Variants in WWOX observed in about 807,000 individuals in gnomAD.
WWOX encodes the protein WW domain containing oxidoreductase.
WWOX carries 69 observed loss-of-function variants against 46.2 expected under a neutral mutation model. The ratio of observed to expected loss-of-function variants is 1.49; its 90% CI spans 1.23 to 1.82. The LOEUF (loss-of-function observed/expected upper bound fraction) is 1.82, where lower values mean the gene tolerates loss of function less well. Among genes scored for constraint, WWOX ranks in the 40% most tolerant of loss-of-function variants. The pLI is 0.00. For missense variants in WWOX, 919 were observed against 542.6 expected, an observed-to-expected ratio of 1.69 and a Z score of -6.89; for synonymous variants, 359 against 202.6, an observed-to-expected ratio of 1.77 and a Z score of -6.56.
intron 8 of WWOX, among the ~76,000 whole-genome samples, chr16:79,090,714 C>G (rs544133251): frequency 1.2e-4 from 19 of 152,184 alleles, no homozygotes; most frequent in Non-Finnish European, 2.4e-4. Context: ...GAGGCACATG[C>G]TCGGCGGGGC....
chr16:78,853,706 G>A (rs904799549), intron 8 of WWOX, among the ~76,000 whole-genome samples: 1 of 152,094 alleles, frequency 6.6e-6, no homozygotes, highest in Admixed American at 6.5e-5. Flanking sequence ...CTCCTGCGTG[G>A]TGGGGGTGTA....
At chr16:78,872,531 A>G (rs1344910438) in intron 8 of WWOX, among the ~76,000 whole-genome samples, 1 of 152,218 alleles carries the variant, frequency 6.6e-6, no homozygotes, top group Non-Finnish European at 1.5e-5. Context: ...GAACAAGTGC[A>G]TTAATCACTC....
intron 8 of WWOX, among the ~76,000 whole-genome samples, chr16:78,461,500 T>C (rs1204945883): frequency 6.6e-6 from 1 of 152,220 alleles, no homozygotes; most frequent in African/African-American, 2.4e-5. Flanking sequence ...GATCTTGTTT[T>C]ATGAAAGAAA....
intron 8 of WWOX, among the ~76,000 whole-genome samples, chr16:78,771,601 G>A (rs921888254): frequency 1.3e-5 from 2 of 151,958 alleles, no homozygotes; most frequent in African/African-American, 4.8e-5. Flanking sequence ...GTGAAACCCC[G>A]TTTCTACTAG....
At chr16:78,324,702 G>A (rs1352845853) in intron 5 of WWOX, among the ~76,000 whole-genome samples, 1 of 148,374 alleles carries the variant, frequency 6.7e-6, no homozygotes, top group East Asian at 2.1e-4. Flanking sequence ...TCCACATATG[G>A]TGAGATTCCG....
In WWOX at chr16:78,939,645, G is replaced by T. The variant is rs760821528; in HGVS notation, c.1057-271963G>T. Among the ~76,000 whole-genome samples the T allele has an allele frequency of 2.6e-5, 4 of 152,120 alleles. No individual in the cohort carries two copies. In the East Asian group the frequency reaches 7.7e-4, roughly 29 times the overall value. On this transcript the variant is annotated intron_variant, in intron 8 of 8. Coordinates refer to ENST00000566780, the MANE Select transcript of WWOX (RefSeq NM_016373.4). ...TCAAATTATTCAATGATCAAATATC[G>T]AATTATTAAAAATTATCAAAAGGAA... is the stretch of plus-strand genomic sequence containing the variant.
intron 8 of WWOX, among the ~76,000 whole-genome samples, chr16:78,641,977 G>C (rs1018816290): frequency 6.6e-6 from 1 of 152,100 alleles, no homozygotes; most frequent in Non-Finnish European, 1.5e-5. Context: ...ATCAAGAGCC[G>C]TAAGTCCTTG....
At chr16:78,414,735 C>A (rs982373166) in intron 6 of WWOX, among the ~76,000 whole-genome samples, 3 of 152,148 alleles carry the variant, frequency 2.0e-5, no homozygotes, top group Non-Finnish European at 2.9e-5. Context: ...CTCATCCTAA[C>A]GTGGTGGCCT....
At position 78,858,144 on chromosome 16, in the gene WWOX, TTGTGTGTGTG is replaced by T. The variant is rs59637371; in HGVS notation, c.1057-353446_1057-353437del. ...ACCTCTATATACATACATTGTGTGT[TTGTGTGTGTG>T]TGTGTGTGTGTGTGTGTATAAATTG... On this transcript the variant is annotated intron_variant, in intron 8 of 8. Coordinates refer to ENST00000566780, the MANE Select transcript of WWOX (RefSeq NM_016373.4). Among the ~76,000 whole-genome samples the T allele has an allele frequency of 6.6e-4, 98 of 148,652 alleles. 1 individual carries two copies. The highest frequency in any genetic ancestry group is 3.6e-3 in the Middle Eastern group (1 of 280).
At chr16:78,995,881 C>G (rs1356758747) in intron 8 of WWOX, among the ~76,000 whole-genome samples, 1 of 152,170 alleles carries the variant, frequency 6.6e-6, no homozygotes, top group Non-Finnish European at 1.5e-5. Context: ...ATTGTGTGAT[C>G]TTAAATGGGA....
intron 8 of WWOX, among the ~76,000 whole-genome samples, chr16:78,930,636 G>C (rs966179482): frequency 6.6e-6 from 1 of 150,794 alleles, no homozygotes; most frequent in African/African-American, 2.4e-5. Flanking sequence ...CAGTTTGAAG[G>C]CACCATTATT....
intron 8 of WWOX, among the ~76,000 whole-genome samples, chr16:78,766,945 C>G (rs747607057): frequency 6.6e-6 from 1 of 152,182 alleles, no homozygotes; most frequent in East Asian, 1.9e-4. Context: ...TCCTCACTTC[C>G]CCAAGCTTGT....
At chr16:79,050,308 G>A (rs76575102) in intron 8 of WWOX, among the ~76,000 whole-genome samples, 1,870 of 152,270 alleles carry the variant, frequency 0.012, 40 homozygotes, top group African/African-American at 0.041. Flanking sequence ...CCCTAGGCTG[G>A]ACATGGGTGG....
At chr16:78,483,159 A>G (rs775488210) in intron 8 of WWOX, among the ~76,000 whole-genome samples, 60 of 152,166 alleles carry the variant, frequency 3.9e-4, no homozygotes, top group Non-Finnish European at 6.3e-4. Context: ...CTTTTCTTCT[A>G]TTTTTTAAAA....
chr16:78,622,693 T>G (rs1484587445), intron 8 of WWOX, among the ~76,000 whole-genome samples: 2 of 151,684 alleles, frequency 1.3e-5, no homozygotes, highest in Non-Finnish European at 2.9e-5. Flanking sequence ...ATGGGAGACT[T>G]ACTTCTGACC....
intron 8 of WWOX, among the ~76,000 whole-genome samples, chr16:78,885,680 G>A (rs565325590): frequency 6.6e-6 from 1 of 152,220 alleles, no homozygotes; most frequent in East Asian, 1.9e-4. Context: ...AGTTTTTGCA[G>A]TTTCCATAGG....
At chr16:78,387,070 C>T (rs898851619) in intron 6 of WWOX, 122 bp downstream of exon 6, 3 of 940,520 alleles carry the variant, frequency 3.2e-6, no homozygotes, top group Non-Finnish European at 5.1e-6. Context: ...ACAGGAGGCT[C>T]ATTTATATTG....
At chr16:78,871,402 G>C (rs931879375) in intron 8 of WWOX, among the ~76,000 whole-genome samples, 1 of 152,152 alleles carries the variant, frequency 6.6e-6, no homozygotes, top group African/African-American at 2.4e-5. Flanking sequence ...AAGCACCAGG[G>C]TGATAACTGA....
At chr16:78,648,372 C>A (rs1198394332) in intron 8 of WWOX, among the ~76,000 whole-genome samples, 1 of 152,186 alleles carries the variant, frequency 6.6e-6, no homozygotes, top group African/African-American at 2.4e-5. Context: ...CCTGCACTTA[C>A]TGCTTTGGGG....
Sources: allele counts gnomAD v4.1 joint callset (sites outside exome capture counted in the v4.1 genomes callset), GRCh38; gene constraint gnomAD v4.1.1; transcripts MANE v1.5; gene names NCBI Gene and HGNC (gene_info 2026-07-23, HGNC 2026-07-21).